Variants in SLC2A13 observed in about 807,000 individuals in gnomAD.
SLC2A13 encodes the protein proton myo-inositol cotransporter.
In SLC2A13, 32 loss-of-function variants were observed where a neutral mutation model predicts 64.4. That is an observed-to-expected ratio of 0.50 (90% confidence interval 0.37 to 0.67). The LOEUF (loss-of-function observed/expected upper bound fraction) is 0.67. SLC2A13 is among the 30% of genes least tolerant of loss of function. The pLI is 0.00. For synonymous variants in SLC2A13, 338 were observed against 327.1 expected (o/e 1.03, Z -0.36); for missense variants, 743 against 829.2 (o/e 0.90, Z 1.28).
chr12:39,873,184 A>G (rs761202261), intron 4 of SLC2A13, among the ~76,000 whole-genome samples: 3 of 152,190 alleles, frequency 2.0e-5, no homozygotes, highest in Non-Finnish European at 4.4e-5. Context: ...TAAATTAACT[A>G]TGTAGCATGA....
Position 39,895,779 on chromosome 12 carries a change from TGTATACGTACACACATGTATATGC to T in SLC2A13, c.1035-23842_1035-23819del, listed in dbSNP as rs1944777890. ...GTATACGTACACACATGTATATGCG[TGTATACGTACACACATGTATATGC>T]GTGTATACGTACACACATGTATATG... On this transcript the variant is annotated intron_variant, in intron 4 of 9. Transcript: ENST00000280871. Among the ~76,000 whole-genome samples the T allele has an allele frequency of 5.5e-5, 5 of 91,658 alleles. 2 individuals carry two copies. The highest frequency in any genetic ancestry group is 6.3e-4 in the East Asian group (2 of 3,180). 60.1% of individuals were successfully genotyped at this position (91,658 alleles called of 152,430 possible).
intron 7 of SLC2A13, among the ~76,000 whole-genome samples, chr12:39,775,307 T>G (rs571288195): frequency 6.6e-6 from 1 of 152,354 alleles, no homozygotes; most frequent in Admixed American, 6.5e-5. Context: ...TTAGGTAACG[T>G]AAGTTACTTT....
At chr12:39,779,009 G>A (rs1439974225) in intron 7 of SLC2A13, among the ~76,000 whole-genome samples, 11 of 152,060 alleles carry the variant, frequency 7.2e-5, no homozygotes, top group Middle Eastern at 3.2e-3. Flanking sequence ...GAACCAGGAC[G>A]TAGGTAATAC....
chr12:39,874,489 C>A (rs915522377), intron 4 of SLC2A13, among the ~76,000 whole-genome samples: 1 of 151,910 alleles, frequency 6.6e-6, no homozygotes, highest in African/African-American at 2.4e-5. Context: ...GTAGCGGGCA[C>A]CTGTAATCCT....
intron 3 of SLC2A13, among the ~76,000 whole-genome samples, chr12:39,988,604 A>C (rs1300733006): frequency 2.1e-5 from 3 of 146,256 alleles, no homozygotes; most frequent in African/African-American, 5.0e-5. Flanking sequence ...AAGAAGAAGA[A>C]GACTAGGAGG....
chr12:39,781,886 G>A (rs1940998509), intron 7 of SLC2A13, among the ~76,000 whole-genome samples: 1 of 152,204 alleles, frequency 6.6e-6, no homozygotes, highest in Admixed American at 6.5e-5. Flanking sequence ...GCCTGTACTT[G>A]CAGAGGTGTC....
At chr12:39,896,474 GTATATGTGTATATATGTACACATA>G (rs1944899512) in intron 4 of SLC2A13, among the ~76,000 whole-genome samples, 3 of 144,052 alleles carry the variant, frequency 2.1e-5, no homozygotes, top group African/African-American at 7.7e-5. Context: ...ATACATATAT[GTATATGTGTATATATGTACACATA>G]TATGTATGTA....
At chr12:39,898,313 T>C (rs956824641) in intron 4 of SLC2A13, among the ~76,000 whole-genome samples, 3 of 152,138 alleles carry the variant, frequency 2.0e-5, no homozygotes, top group African/African-American at 7.2e-5. Context: ...TACACCCACA[T>C]GCCCAAAACA....
Position 40,006,140 on chromosome 12 carries a change from C to T in SLC2A13, c.925+22161G>A, listed in dbSNP as rs28370758. The stretch of plus-strand genomic sequence containing the variant: ...AGTCAGCTAATACTTAGGCAAAATA[C>T]AAAATTGAAATTAATAACGCAGGAT... On this transcript the variant is annotated intron_variant, in intron 3 of 9. Coordinates refer to ENST00000280871, the MANE Select transcript of SLC2A13 (RefSeq NM_052885.4). Among the ~76,000 whole-genome samples the T allele has an allele frequency of 9.4e-3, 1,431 of 152,200 alleles. 16 individuals are homozygous for T. Among genetic ancestry groups the T allele is most frequent in the African/African-American group, 0.032 (1,341 of 41,544 alleles).
At chr12:39,812,154 G>A (rs1463557106) in intron 7 of SLC2A13, among the ~76,000 whole-genome samples, 1 of 152,020 alleles carries the variant, frequency 6.6e-6, no homozygotes, top group Non-Finnish European at 1.5e-5. Context: ...TGTCTGGTGA[G>A]GGTCTGCTCC....
chr12:39,812,396 C>CTTT (rs1942200749), intron 7 of SLC2A13, among the ~76,000 whole-genome samples: 2 of 115,572 alleles, frequency 1.7e-5, no homozygotes, highest in African/African-American at 8.3e-5. Flanking sequence ...CTTTCTCTCT[C>CTTT]TCTTTCTTCC....
At position 40,048,129 on chromosome 12, in the gene SLC2A13, G is replaced by C. The variant is rs201782676; in HGVS notation, c.638C>G (p.Thr213Ser). 2 of 1,613,570 alleles carry C rather than the reference G, an allele frequency of 1.2e-6. No homozygotes were observed. Among genetic ancestry groups the C allele is most frequent in the East Asian group, 2.2e-5 (1 of 44,854 alleles). Residue 213 changes from threonine to serine, a missense_variant, in exon 2 of 10, where the codon ACC becomes AGC. Physicochemically the swap from Thr to Ser is moderately conservative, Grantham distance 58. Transcript: ENST00000280871. The stretch of plus-strand genomic sequence containing the variant: ...GAACTGCCCTCCTGTGATGAAGAGG[G>C]TATTAATGGTGACTAATCGGCCTCT... ...NLRGRLVTIN[T>S]LFITGGQFFA...
intron 3 of SLC2A13, among the ~76,000 whole-genome samples, chr12:40,000,921 TA>T (rs1187082910): frequency 6.6e-6 from 1 of 152,018 alleles, no homozygotes; most frequent in African/African-American, 2.4e-5. Context: ...CAGTAAACAC[TA>T]AAAAAGGCTA....
At chr12:39,896,125 TA>T (rs1565527288) in intron 4 of SLC2A13, among the ~76,000 whole-genome samples, 1 of 149,496 alleles carries the variant, frequency 6.7e-6, no homozygotes, top group East Asian at 2.0e-4. Context: ...TGCATACATA[TA>T]TGTATACACG....
At chr12:40,003,770 A>C (rs1371501635) in intron 3 of SLC2A13, among the ~76,000 whole-genome samples, 1 of 152,072 alleles carries the variant, frequency 6.6e-6, no homozygotes, top group African/African-American at 2.4e-5. Flanking sequence ...ATAATACCAC[A>C]CACAAAAATT....
intron 4 of SLC2A13, among the ~76,000 whole-genome samples, chr12:39,884,940 G>A (rs1003183541): frequency 1.7e-4 from 26 of 152,218 alleles, no homozygotes; most frequent in African/African-American, 6.3e-4. Context: ...CACAAAGACT[G>A]TTAGTCATAA....
At chr12:39,768,508 G>A (rs1003340384) in intron 7 of SLC2A13, among the ~76,000 whole-genome samples, 8 of 152,080 alleles carry the variant, frequency 5.3e-5, no homozygotes, top group African/African-American at 1.9e-4. Flanking sequence ...TAAAGTGAGA[G>A]TCGTGCTACT....
intron 6 of SLC2A13, among the ~76,000 whole-genome samples, chr12:39,844,178 G>C (rs1362229014): frequency 6.6e-6 from 1 of 151,992 alleles, no homozygotes; most frequent in Non-Finnish European, 1.5e-5. Flanking sequence ...TAGTTAACTA[G>C]TTGTGTTACC....
chr12:39,821,161 C>A (rs1469721411), intron 7 of SLC2A13, among the ~76,000 whole-genome samples: 2 of 152,134 alleles, frequency 1.3e-5, no homozygotes, highest in East Asian at 3.9e-4. Context: ...CGCCTGTAAT[C>A]CCAGCACTTT....
Sources: allele counts gnomAD v4.1 joint callset (sites outside exome capture counted in the v4.1 genomes callset), GRCh38; gene constraint gnomAD v4.1.1; transcripts MANE v1.5; gene names NCBI Gene and HGNC (gene_info 2026-07-23, HGNC 2026-07-21).